The following KDM3A variants were observed in gnomAD, a reference collection of about 807,000 sequenced individuals.
KDM3A encodes the protein lysine-specific demethylase 3A.
Under a neutral mutation model 158.0 loss-of-function variants are expected in KDM3A, and 60 were observed. That is an observed-to-expected ratio of 0.38 (90% confidence interval 0.31 to 0.47). KDM3A has a LOEUF of 0.47. Among genes scored for constraint, KDM3A ranks in the 20% least tolerant of loss-of-function variants. KDM3A has a pLI of 0.99. For synonymous variants in KDM3A, 608 were observed against 549.3 expected (o/e 1.11, Z -1.49); for missense variants, 1,319 against 1,574.3 (o/e 0.84, Z 2.74).
At chr2:86,487,672 G>GC (rs1255397057) in intron 21 of KDM3A, 1 of 152,106 alleles carries the variant, frequency 6.6e-6, no homozygotes, top group African/African-American at 2.4e-5. Flanking sequence ...TCACCCAACA[G>GC]CCCCTACTGT....
Position 86,442,095 on chromosome 2 carries a change from G to T in KDM3A, c.48G>T (p.Arg16Ser). 16 of 1,614,134 alleles carry T rather than the reference G, an allele frequency of 9.9e-6. No individual in the cohort carries two copies. The highest frequency in any genetic ancestry group is 1.2e-5 in the Non-Finnish European group (14 of 1,180,018). Residue 16 changes from arginine to serine, a missense_variant, in exon 2 of 26, where the codon AGG becomes AGT. Around this residue, in one of 4 missense-constraint regions of KDM3A, gnomAD observed 652 missense variants for 627.2 expected, o/e 1.04. Transcript: ENST00000312912. ...GESWPVLVGR[R>S]FLSLSAADGS... is the part of the protein sequence containing the mutation. ...GTTGGCCGGTATTGGTGGGGAGGAG[G>T]TTTCTCAGTCTGTCCGCAGCCGACG...
At chr2:86,455,237 C>A in intron 5 of KDM3A, 50 bp downstream of exon 5, 3 of 1,000,210 alleles carry the variant, frequency 3.0e-6, no homozygotes, top group Admixed American at 2.4e-5. Context: ...CAATGATTAG[C>A]TTGTGAGAAA....
chr2:86,464,201 C>T lies in KDM3A; in HGVS notation c.992C>T (p.Ala331Val), dbSNP rs1240559097. The T allele has an allele frequency of 6.3e-7, 1 of 1,598,226 alleles. No individual in the cohort carries two copies. Among genetic ancestry groups the T allele is most frequent in the Non-Finnish European group, 8.5e-7 (1 of 1,172,592 alleles). Residue 331 changes from alanine to valine, a missense_variant, in exon 9 of 26, where the codon GCA becomes GTA. Ala to Val is a moderately conservative substitution (Grantham distance 64). Coordinates refer to ENST00000312912, the MANE Select transcript of KDM3A (RefSeq NM_018433.6). ...GCCAACTCTCCACCTAACCTTGGAG[C>T]AAAAATTCCTCAAGGGTGAGTAGTG... is the stretch of plus-strand genomic sequence containing the variant. Reference protein sequence around the residue: ...QAANSPPNLGAKIPQGCHKQS... With the variant: ...QAANSPPNLGVKIPQGCHKQS...
chr2:86,453,853 T>C (rs1357509684), intron 4 of KDM3A, among the ~76,000 whole-genome samples: 1 of 152,230 alleles, frequency 6.6e-6, no homozygotes, highest in African/African-American at 2.4e-5. Flanking sequence ...TTCTTGGTCA[T>C]TATCCATTTC....
At chr2:86,486,200 T>C (rs1483119833) in intron 21 of KDM3A, among the ~76,000 whole-genome samples, 2 of 152,232 alleles carry the variant, frequency 1.3e-5, no homozygotes, top group Non-Finnish European at 2.9e-5. Flanking sequence ...GATTTCAGTG[T>C]TCGGACATTT....
At chr2:86,444,196 A>G (rs1488734349) in intron 2 of KDM3A, among the ~76,000 whole-genome samples, 1 of 152,218 alleles carries the variant, frequency 6.6e-6, no homozygotes, top group Non-Finnish European at 1.5e-5. Flanking sequence ...TAGGAAAAGG[A>G]ATCTTGTCCA....
At position 86,475,026 on chromosome 2, in the gene KDM3A, C is replaced by A; in HGVS notation, c.1939+36C>A. ...CTCTTAGGGGGTAGGATTTTCGAGC[C>A]CAATTTGATTTTTGTTCCTAAGTGA... On this transcript the variant is annotated intron_variant, in intron 12 of 25. Coordinates refer to ENST00000312912, the MANE Select transcript of KDM3A (RefSeq NM_018433.6). 3.2e-6 allele frequency: 5 copies of A among 1,551,706 alleles called. No individual in the cohort carries two copies. In the South Asian group the frequency reaches 5.7e-5, roughly 18 times the overall value.
intron 16 of KDM3A, among the ~76,000 whole-genome samples, chr2:86,480,759 TTAAGTC>T (rs1219185028): frequency 1.3e-5 from 2 of 152,224 alleles, no homozygotes; most frequent in Non-Finnish European, 2.9e-5. Flanking sequence ...AACTCATAAA[TTAAGTC>T]TAAGATGACT....
At chr2:86,463,612 G>A (rs991910546) in intron 8 of KDM3A, among the ~76,000 whole-genome samples, 2 of 152,202 alleles carry the variant, frequency 1.3e-5, no homozygotes, top group African/African-American at 4.8e-5. Context: ...AGGCATCCCT[G>A]CCTACAAGAG....
intron 2 of KDM3A, among the ~76,000 whole-genome samples, chr2:86,446,197 A>G (rs1226136932): frequency 1.3e-5 from 2 of 152,226 alleles, no homozygotes; most frequent in Non-Finnish European, 2.9e-5. Context: ...TAAGGTACAC[A>G]TTTGCAAAAT....
chr2:86,465,774 A>G (rs1475798672), intron 9 of KDM3A, among the ~76,000 whole-genome samples: 1 of 152,020 alleles, frequency 6.6e-6, no homozygotes, highest in African/African-American at 2.4e-5. Context: ...TTTTTTATAT[A>G]CGTATATATT....
chr2:86,450,570 A>G (rs1375824905), intron 3 of KDM3A, among the ~76,000 whole-genome samples: 1 of 152,206 alleles, frequency 6.6e-6, no homozygotes, highest in Non-Finnish European at 1.5e-5. Context: ...TGGAGAGGGC[A>G]CTTTAGTCTT....
intron 8 of KDM3A, among the ~76,000 whole-genome samples, chr2:86,461,953 A>C (rs947409202): frequency 6.6e-6 from 1 of 152,314 alleles, no homozygotes. Context: ...GGATTCTTGT[A>C]GGCAGTGGAC....
intron 2 of KDM3A, chr2:86,443,455 G>A (rs1477835309): frequency 6.6e-6 from 1 of 152,138 alleles, no homozygotes; most frequent in South Asian, 2.1e-4. Context: ...TGAAAAGGAG[G>A]AGTGACCGAA....
Position 86,457,069 on chromosome 2 carries a change from G to A in KDM3A, c.841G>A (p.Glu281Lys). Residue 281 changes from glutamate (E) to lysine (K), a missense_variant and splice_region_variant, in exon 8 of 26, where the codon GAG becomes AAG. This residue lies in a region of KDM3A where 652 missense variants were observed against 627.2 expected (regional missense o/e 1.04). Coordinates refer to ENST00000312912, the MANE Select transcript of KDM3A (RefSeq NM_018433.6). The stretch of plus-strand genomic sequence containing the variant: ...TTCCAAACAAGCAAAATCTTGCTCT[G>A]AGGTAACCTTTATTTATGTCACTTG... ...LVSKQAKSCS[E>K]ASPSMCPVQS... 1 of 1,555,712 alleles carries A rather than the reference G, an allele frequency of 6.4e-7. No homozygotes were observed. The highest frequency in any genetic ancestry group is 8.8e-7 in the Non-Finnish European group (1 of 1,142,210).
chr2:86,447,488 T>C (rs995316148), intron 2 of KDM3A, among the ~76,000 whole-genome samples: 2 of 151,358 alleles, frequency 1.3e-5, no homozygotes, highest in African/African-American at 4.9e-5. Context: ...AGATATTAGA[T>C]AATTGTGTTG....
rs765513133 is a variant in KDM3A at position 86,455,127 on chromosome 2, G to A, written c.496G>A (p.Val166Ile). The A allele has an allele frequency of 1.1e-5, 17 of 1,604,896 alleles. No individual in the cohort carries two copies. Among genetic ancestry groups the A allele is most frequent in the Non-Finnish European group, 1.4e-5 (17 of 1,176,568 alleles). The change falls in exon 5 of 26, where the codon GTC becomes ATC. Residue 166 changes from valine (V) to isoleucine (I), a missense_variant. Transcript: ENST00000312912. Reference sequence around the variant, plus strand: ...ACTTTCTCTTACGGATAATCAGATTGTCAGTAAAGAATTTCAAGCTTTGAT... The same window carrying A: ...ACTTTCTCTTACGGATAATCAGATTATCAGTAAAGAATTTCAAGCTTTGAT... Reference protein sequence around the residue: ...LRLSLTDNQIVSKEFQALIVK... With the variant: ...LRLSLTDNQIISKEFQALIVK...
chr2:86,442,963 A>G (rs574309366), intron 2 of KDM3A, among the ~76,000 whole-genome samples: 1 of 152,274 alleles, frequency 6.6e-6, no homozygotes, highest in South Asian at 2.1e-4. Flanking sequence ...TTAAATCATT[A>G]TGACACTCAG....
In KDM3A at chr2:86,492,168, A is replaced by C; in HGVS notation, c.*49A>C. On this transcript the variant is annotated 3_prime_UTR_variant, in exon 26 of 26. Coordinates refer to ENST00000312912, the MANE Select transcript of KDM3A (RefSeq NM_018433.6). ...TTACAGGCAGCTGTTCAAACTCTTC[A>C]GGCAGGATTCCTGTGGACTTTGAGA... 7.3e-7 allele frequency: 1 copy of C among 1,373,060 alleles called. No homozygotes were observed. Among genetic ancestry groups the C allele is most frequent in the Admixed American group, 1.7e-5 (1 of 58,340 alleles). The allele number at this position is 1,373,060 out of a possible 1,614,324, so 85.1% of individuals were successfully genotyped here. A position where few individuals can be genotyped will look rare whatever the true frequency, so the allele number is the denominator to read the frequency against.
Sources: gnomAD v4.1 joint callset for allele counts (sites outside exome capture counted in the v4.1 genomes callset) on GRCh38, gnomAD v4.1.1 for gene constraint, gnomAD v4.1.1 regional missense constraint, MANE v1.5 for transcripts, NCBI Gene and HGNC (gene_info 2026-07-23, HGNC 2026-07-21) for gene names.